Variants in TENM3 observed in about 807,000 individuals in gnomAD.
TENM3 encodes the protein teneurin-3.
Under a neutral mutation model 255.1 loss-of-function variants are expected in TENM3, and 63 were observed. The observed-to-expected ratio is 0.25, with a 90% confidence interval of 0.20 to 0.30. The LOEUF (loss-of-function observed/expected upper bound fraction) is 0.30. Ranked by LOEUF, TENM3 falls within the 10% of genes least tolerant of loss-of-function variation. The pLI is 1.00. For synonymous variants in TENM3, 1,306 were observed against 1,322.3 expected (o/e 0.99, Z 0.27); for missense variants, 2,929 against 3,461.1 (o/e 0.85, Z 3.86).
chr4:182,792,190 G>C lies in TENM3; in HGVS notation c.5602-84G>C. The stretch of plus-strand genomic sequence containing the variant: ...TGAAAATCATTTTCTCTAGTGGAAT[G>C]TTTCTGTGCATCTGTGGTCACTAAA... On this transcript the variant is annotated intron_variant, in intron 25 of 27. Coordinates refer to ENST00000511685, the MANE Select transcript of TENM3 (RefSeq NM_001080477.4). This position sits in a 1 kb window ranked among gnomAD's most constrained non-coding sequence, Gnocchi z 6.3. 8.2e-7 allele frequency: 1 copy of C among 1,221,238 alleles called. No homozygotes were observed. The highest frequency in any genetic ancestry group is 1.2e-6 in the Non-Finnish European group (1 of 858,724). 75.7% of individuals were successfully genotyped at this position (1,221,238 alleles called of 1,614,324 possible).
the TENM3 span, among the ~76,000 whole-genome samples, chr4:182,109,713 C>T: frequency 6.6e-6 from 1 of 152,180 alleles, no homozygotes; most frequent in Admixed American, 6.5e-5. Flanking sequence ...TCCCATTGTC[C>T]TCCGGACCTT....
At chr4:182,466,626 A>G (rs1248763491) in intron 3 of TENM3, among the ~76,000 whole-genome samples, 1 of 152,038 alleles carries the variant, frequency 6.6e-6, no homozygotes, top group Non-Finnish European at 1.5e-5. Context: ...GCCAGTTTCC[A>G]GCCTCTGCGT....
chr4:182,545,328 T>G (rs2151907042), intron 3 of TENM3, among the ~76,000 whole-genome samples: 1 of 152,320 alleles, frequency 6.6e-6, no homozygotes. Context: ...AGCAAACTGT[T>G]GTTAGCATCT....
the TENM3 span, among the ~76,000 whole-genome samples, chr4:181,758,357 T>C: frequency 2.0e-5 from 3 of 152,176 alleles, no homozygotes; most frequent in Non-Finnish European, 4.4e-5. Context: ...TAACCACTGA[T>C]GTGCTTAACT....
the TENM3 span, among the ~76,000 whole-genome samples, chr4:181,704,013 T>G: frequency 5.3e-5 from 8 of 152,134 alleles, no homozygotes; most frequent in African/African-American, 1.2e-4. Flanking sequence ...TTCTCCTTGG[T>G]CTTCTCTGGA....
chr4:182,250,242 C>A, intron 1 of TENM3, among the ~76,000 whole-genome samples: 1 of 151,598 alleles, frequency 6.6e-6, no homozygotes, highest in East Asian at 1.9e-4. Flanking sequence ...TTAGTAGAGA[C>A]GGGGTTTCAC....
the TENM3 span, among the ~76,000 whole-genome samples, chr4:181,938,670 A>G: frequency 6.6e-6 from 1 of 152,160 alleles, no homozygotes; most frequent in African/African-American, 2.4e-5. Flanking sequence ...AATAACAAAC[A>G]AATGCATCCC....
At chr4:181,641,784 CAT>C in the TENM3 span, among the ~76,000 whole-genome samples, 1 of 62,962 alleles carries the variant, frequency 1.6e-5, no homozygotes. Flanking sequence ...ATACACACAC[CAT>C]ATATATATAC....
At chr4:182,460,518 G>A (rs957786146) in intron 3 of TENM3, among the ~76,000 whole-genome samples, 1 of 152,152 alleles carries the variant, frequency 6.6e-6, no homozygotes, top group African/African-American at 2.4e-5. Context: ...CTATACACTA[G>A]CGGTTGCCTG....
the TENM3 span, among the ~76,000 whole-genome samples, chr4:181,493,400 T>C: frequency 6.6e-6 from 1 of 150,900 alleles, no homozygotes; most frequent in Non-Finnish European, 1.5e-5. Context: ...TTTTGACAAA[T>C]AAGATTTTGA....
At chr4:181,697,701 G>A in the TENM3 span, among the ~76,000 whole-genome samples, 1 of 152,026 alleles carries the variant, frequency 6.6e-6, no homozygotes, top group East Asian at 1.9e-4. Context: ...CCATTTCCTA[G>A]CTTTATAATG....
At chr4:182,383,792 G>C (rs759634497) in intron 3 of TENM3, among the ~76,000 whole-genome samples, 1 of 152,116 alleles carries the variant, frequency 6.6e-6, no homozygotes, top group African/African-American at 2.4e-5. Flanking sequence ...GCATGGTACT[G>C]TTACAAAAAC....
chr4:181,488,809 G>A, the TENM3 span, among the ~76,000 whole-genome samples: 1 of 152,104 alleles, frequency 6.6e-6, no homozygotes, highest in Non-Finnish European at 1.5e-5. Flanking sequence ...ACACAGCAGA[G>A]AGTGTCTGAG....
the TENM3 span, among the ~76,000 whole-genome samples, chr4:181,932,513 A>C: frequency 6.6e-6 from 1 of 152,248 alleles, no homozygotes; most frequent in East Asian, 1.9e-4. Flanking sequence ...GTCAGGAAAC[A>C]ACAGATGCTA....
rs376443071 is a variant in TENM3, at chr4:182,752,047, C to A, written c.3862+15C>A. 5.2e-5 allele frequency: 67 copies of A among 1,297,654 alleles called. No homozygotes were observed. The highest frequency in any genetic ancestry group is 3.5e-4 in the African/African-American group (21 of 60,754). The allele number at this position is 1,297,654 out of a possible 1,614,324, so 80.4% of individuals were successfully genotyped here. A position where few individuals can be genotyped will look rare whatever the true frequency, so the allele number is the denominator to read the frequency against. On this transcript the variant is annotated intron_variant, in intron 20 of 27. Transcript: ENST00000511685. ...GAGTCCCAAAGGTACCGGCAGTTGG[C>A]GATTTGAGGATTTCTTTTTATTTAT...
intron 3 of TENM3, among the ~76,000 whole-genome samples, chr4:182,563,066 G>C (rs1364952324): frequency 1.3e-5 from 2 of 152,096 alleles, no homozygotes; most frequent in Non-Finnish European, 2.9e-5. Context: ...GGTGATGGTA[G>C]GAAACCTTGA....
At chr4:182,410,713 G>A (rs537766355) in intron 3 of TENM3, among the ~76,000 whole-genome samples, 3 of 152,090 alleles carry the variant, frequency 2.0e-5, no homozygotes, top group Middle Eastern at 3.4e-3. Flanking sequence ...TCTTAACCAC[G>A]AGGACCACAG....
At chr4:182,682,068 A>T in intron 11 of TENM3, 54 bp downstream of exon 11, 2 of 1,458,198 alleles carry the variant, frequency 1.4e-6, no homozygotes, top group Non-Finnish European at 1.9e-6. Flanking sequence ...TTGGCTAAAG[A>T]TGATATTTTA....
At chr4:181,628,584 A>G in the TENM3 span, among the ~76,000 whole-genome samples, 1 of 152,240 alleles carries the variant, frequency 6.6e-6, no homozygotes, top group Non-Finnish European at 1.5e-5. Context: ...CACTTATTAA[A>G]TAGGGAATCC....
Sources: allele counts gnomAD v4.1 joint callset (sites outside exome capture counted in the v4.1 genomes callset), GRCh38; gene constraint gnomAD v4.1.1; non-coding constraint Gnocchi (gnomAD v3.1); transcripts MANE v1.5; gene names NCBI Gene and HGNC (gene_info 2026-07-23, HGNC 2026-07-21).